CNTN5: variants seen among roughly 807,000 people sequenced by gnomAD.
CNTN5 encodes contactin-5.
In CNTN5, 77 loss-of-function variants were observed where a neutral mutation model predicts 129.1. The observed-to-expected ratio is 0.60, with a 90% confidence interval of 0.50 to 0.72. The LOEUF is 0.72. CNTN5 is among the 30% of genes least tolerant of loss of function. The probability of loss-of-function intolerance (pLI) is 0.00; values close to 1 mark genes in which losing one functional copy is unlikely to be tolerated. For synonymous variants in CNTN5, 509 were observed against 465.6 expected, an observed-to-expected ratio of 1.09 and a Z score of -1.20; for missense variants, 1,478 against 1,328.8, an observed-to-expected ratio of 1.11 and a Z score of -1.75.
chr11:99,240,844 T>C (rs1181383842), intron 1 of CNTN5, among the ~76,000 whole-genome samples: 2 of 152,328 alleles, frequency 1.3e-5, no homozygotes, highest in East Asian at 1.9e-4. Context: ...ATTTCTTTCA[T>C]GATAGCGTCT....
At chr11:99,305,201 T>A (rs568669572) in intron 1 of CNTN5, among the ~76,000 whole-genome samples, 1 of 152,208 alleles carries the variant, frequency 6.6e-6, no homozygotes, top group South Asian at 2.1e-4. Flanking sequence ...ACTGCCTTAA[T>A]AAGGGCTTTG....
At chr11:99,551,910 C>CTTT (rs1334801874) in intron 2 of CNTN5, among the ~76,000 whole-genome samples, 1 of 139,940 alleles carries the variant, frequency 7.1e-6, no homozygotes. Flanking sequence ...TGAGTTTTTT[C>CTTT]TTTTTTTTTT....
chr11:100,005,622 A>G (rs1240261090), intron 9 of CNTN5, among the ~76,000 whole-genome samples: 1 of 152,170 alleles, frequency 6.6e-6, no homozygotes, highest in Non-Finnish European at 1.5e-5. Flanking sequence ...TTCATGTCCA[A>G]GTTGTACTTA....
chr11:99,328,907 GAAA>G (rs59341657), intron 2 of CNTN5, among the ~76,000 whole-genome samples: 1 of 140,118 alleles, frequency 7.1e-6, no homozygotes, highest in African/African-American at 2.7e-5. Flanking sequence ...ACAGGAAAAA[GAAA>G]AAAAAACCTA....
intron 1 of CNTN5, among the ~76,000 whole-genome samples, chr11:99,261,435 T>G (rs1440385395): frequency 6.6e-6 from 1 of 152,062 alleles, no homozygotes; most frequent in African/African-American, 2.4e-5. Context: ...CCTATATACA[T>G]AAGAGCAGGT....
At chr11:99,194,626 G>A (rs75297635) in intron 1 of CNTN5, among the ~76,000 whole-genome samples, 9 of 151,916 alleles carry the variant, frequency 5.9e-5, no homozygotes, top group Admixed American at 5.9e-4. Context: ...TTCTTTTAGA[G>A]ATGCAGTCTT....
intron 3 of CNTN5, among the ~76,000 whole-genome samples, chr11:99,620,027 A>AAAAAAAAAAAAAACAAAAAG (rs1555049924): frequency 2.3e-5 from 3 of 129,046 alleles, no homozygotes; most frequent in African/African-American, 2.8e-5. Flanking sequence ...CTCCGTCTCA[A>AAAAAAAAAAAAAACAAAAAG]AAAAAAAAAA....
At chr11:99,781,481 G>A (rs1945308302) in intron 3 of CNTN5, among the ~76,000 whole-genome samples, 1 of 152,052 alleles carries the variant, frequency 6.6e-6, no homozygotes, top group African/African-American at 2.4e-5. Flanking sequence ...GCATCTTCAT[G>A]AATGTCTTCT....
intron 23 of CNTN5, among the ~76,000 whole-genome samples, chr11:100,345,577 T>TA (rs5794052): frequency 0.59 from 86,235 of 146,604 alleles, 25,990 homozygotes; most frequent in African/African-American, 0.75. Context: ...TAACAGATAT[T>TA]AAAAAAAAAA....
intron 13 of CNTN5, among the ~76,000 whole-genome samples, chr11:100,112,831 G>T (rs1293766661): frequency 6.6e-6 from 1 of 152,078 alleles, no homozygotes; most frequent in African/African-American, 2.4e-5. Context: ...GAAGAGGGAA[G>T]AGTGCCTTTT....
chr11:99,548,909 T>C (rs2135516640), intron 2 of CNTN5, among the ~76,000 whole-genome samples: 1 of 152,298 alleles, frequency 6.6e-6, no homozygotes, highest in African/African-American at 2.4e-5. Context: ...TTAGCAATTA[T>C]CTATCTTTTC....
chr11:99,204,659 A>G (rs1017138488), intron 1 of CNTN5, among the ~76,000 whole-genome samples: 3 of 152,206 alleles, frequency 2.0e-5, no homozygotes, highest in African/African-American at 7.2e-5. Context: ...AGAGCTTAAG[A>G]GCCAGAACTG....
At chr11:99,717,307 A>G (rs1955281761) in intron 3 of CNTN5, among the ~76,000 whole-genome samples, 1 of 152,068 alleles carries the variant, frequency 6.6e-6, no homozygotes. Flanking sequence ...TATATACAGT[A>G]TAGATTAATA....
intron 3 of CNTN5, among the ~76,000 whole-genome samples, chr11:99,744,280 G>T (rs964738976): frequency 6.6e-6 from 1 of 151,932 alleles, no homozygotes; most frequent in African/African-American, 2.4e-5. Context: ...TCAAAAGAAA[G>T]TTACTCTGAT....
rs1238554507 is a variant in CNTN5, at chr11:99,916,127, C to T, written c.651C>T (p.Cys217=). 1.2e-6 allele frequency: 2 copies of T among 1,611,728 alleles called. No individual in the cohort carries two copies. Among genetic ancestry groups the T allele is most frequent in the Non-Finnish European group, 1.7e-6 (2 of 1,178,932 alleles). Residue 217 remains cysteine, a synonymous_variant, in exon 7 of 25, where the codon TGC becomes TGT. Transcript: ENST00000524871. ...VREGQGVVLM[C]SPPPHSPEII... ...AAGGCCAGGGTGTCGTTCTGATGTG[C>T]TCTCCTCCGCCACATTCACCAGGTA...
chr11:99,671,621 A>T (rs1747248331), intron 3 of CNTN5, among the ~76,000 whole-genome samples: 1 of 152,150 alleles, frequency 6.6e-6, no homozygotes, highest in Non-Finnish European at 1.5e-5. Context: ...ACATTATCGA[A>T]TTTTTTGGAA....
At chr11:99,902,625 C>A (rs1474369174) in intron 6 of CNTN5, among the ~76,000 whole-genome samples, 2 of 152,114 alleles carry the variant, frequency 1.3e-5, no homozygotes, top group Non-Finnish European at 2.9e-5. Flanking sequence ...TGGGCTGATG[C>A]TTCATGTAAA....
At chr11:99,568,953 T>A (rs1949090764) in intron 3 of CNTN5, among the ~76,000 whole-genome samples, 1 of 152,206 alleles carries the variant, frequency 6.6e-6, no homozygotes, top group African/African-American at 2.4e-5. Flanking sequence ...ATTTTCGTTA[T>A]AGCTTTCACA....
chr11:99,587,580 A>G (rs773574119), intron 3 of CNTN5, among the ~76,000 whole-genome samples: 1 of 152,020 alleles, frequency 6.6e-6, no homozygotes, highest in Non-Finnish European at 1.5e-5. Flanking sequence ...TGGCTGCATT[A>G]GATGGTACGT....
Sources: gnomAD v4.1 joint callset for allele counts (sites outside exome capture counted in the v4.1 genomes callset) on GRCh38, gnomAD v4.1.1 for gene constraint, MANE v1.5 for transcripts, NCBI Gene and HGNC (gene_info 2026-07-23, HGNC 2026-07-21) for gene names.